Variants in OBSL1 observed in about 807,000 individuals in gnomAD.
The protein encoded by OBSL1 is obscurin like cytoskeletal adaptor 1, also known as obscurin-like protein 1.
In OBSL1, 160 loss-of-function variants were observed where a neutral mutation model predicts 172.0. The ratio of observed to expected loss-of-function variants is 0.93; its 90% CI spans 0.82 to 1.06. OBSL1 has a LOEUF of 1.06. Ranked by LOEUF, OBSL1 falls within the 50% of genes least tolerant of loss-of-function variation. OBSL1 has a pLI of 0.00. For synonymous variants in OBSL1, 1,200 were observed against 1,196.3 expected (o/e 1.00, Z -0.06); for missense variants, 2,681 against 2,715.4 (o/e 0.99, Z 0.28).
chr2:219,553,052 G>A, intron 16 of OBSL1, 28 bp from the exon 17 acceptor site: 1 of 1,457,384 alleles, frequency 6.9e-7, no homozygotes. Flanking sequence ...AGAGGGTCGG[G>A]GCGAGCCCGG....
intron 7 of OBSL1, chr2:219,563,009 G>A (rs891843739): frequency 2.1e-6 from 1 of 470,008 alleles, no homozygotes; most frequent in Non-Finnish European, 3.8e-6. Flanking sequence ...GGAGCTGGGG[G>A]TCTCCTCCTC....
At chr2:219,552,778 A>C in intron 17 of OBSL1, 81 bp from the exon 18 acceptor site, 1 of 1,516,160 alleles carries the variant, frequency 6.6e-7, no homozygotes, top group Non-Finnish European at 8.9e-7. Flanking sequence ...CCTTTCTAGA[A>C]GCACGCGCGG....
At chr2:219,570,163 T>A in intron 1 of OBSL1, 58 bp downstream of exon 1, 1 of 1,412,630 alleles carries the variant, frequency 7.1e-7, no homozygotes, top group Non-Finnish European at 9.4e-7. Flanking sequence ...AGGGCTGGAG[T>A]TCGGAGGGCC....
Position 219,558,388 on chromosome 2 carries a change from C to G in OBSL1, c.3298G>C (p.Glu1100Gln). Reference sequence around the variant, plus strand: ...GCTGGGGCCACCTCACAGCGCAGCTCCACGCGCCCTGGAGCCCCAAAATGC... The same window carrying G: ...GCTGGGGCCACCTCACAGCGCAGCTGCACGCGCCCTGGAGCCCCAAAATGC... ...DLHFGAPGRV[E>Q]LRCEVAPAGS... Residue 1100 changes from glutamate to glutamine, a missense_variant, in exon 10 of 21, where the codon GAG (glutamate) becomes CAG (glutamine). Coordinates refer to ENST00000404537, the MANE Select transcript of OBSL1 (RefSeq NM_015311.3). 1 of 1,608,874 alleles carries G rather than the reference C, an allele frequency of 6.2e-7. No homozygotes were observed. Among genetic ancestry groups the G allele is most frequent in the East Asian group, 2.2e-5 (1 of 44,688 alleles).
Position 219,566,893 on chromosome 2 carries a change from T to C in OBSL1, c.2071A>G (p.Ser691Gly). Residue 691 changes from serine (S) to glycine (G), a missense_variant, in exon 5 of 21, where the codon AGC (serine) becomes GGC (glycine). Coordinates refer to ENST00000404537, the MANE Select transcript of OBSL1 (RefSeq NM_015311.3). ...LILHAVKHQD[S>G]GALVGFSCPG... ...CAGCTGAAGCCGACCAGGGCACCGCTGTCCTGGTGCTTGACGGCATGCAGG... is the reference window on the plus strand; with the variant it reads ...CAGCTGAAGCCGACCAGGGCACCGCCGTCCTGGTGCTTGACGGCATGCAGG... 1 of 1,607,230 alleles carries C rather than the reference T, an allele frequency of 6.2e-7. No individual in the cohort carries two copies. Among genetic ancestry groups the C allele is most frequent in the South Asian group, 1.1e-5 (1 of 90,980 alleles).
In OBSL1 at chr2:219,552,672, C is replaced by T; in HGVS notation, c.5172G>A (p.Glu1724=). Residue 1724 remains glutamate (E), a synonymous_variant, in exon 18 of 21, where the codon GAG becomes GAA. Transcript: ENST00000404537. The part of the protein sequence containing the change: ...VRERTVAVLS[E]LRSVSAREGD... ...CTTCGCGGGCGCTCACCGACCGCAG[C>T]TCGGAGAGTACCGCCACAGTACGCT... 2.0e-6 allele frequency: 3 copies of T among 1,537,138 alleles called. No individual in the cohort carries two copies. The highest frequency in any genetic ancestry group is 2.6e-6 in the Non-Finnish European group (3 of 1,145,380).
At chr2:219,550,061 C>G (rs992365650), downstream of OBSL1, 8 of 645,158 alleles carry the variant, frequency 1.2e-5, no homozygotes, top group Non-Finnish European at 1.5e-5. Context: ...TCCTGAGGAA[C>G]TCGGGGTGTG....
At chr2:219,551,873 C>A in intron 19 of OBSL1, 75 bp from the exon 20 acceptor site, 1 of 962,742 alleles carries the variant, frequency 1.0e-6, no homozygotes, top group Non-Finnish European at 1.6e-6. Context: ...ATCTTCCCTC[C>A]CTGAAGTCTC....
intron 20 of OBSL1, 101 bp from the exon 21 acceptor site, chr2:219,550,943 C>T: frequency 6.4e-7 from 1 of 1,551,658 alleles, no homozygotes; most frequent in South Asian, 1.2e-5. Context: ...AGCTGGGCCC[C>T]CAGGTTCTGC....
intron 19 of OBSL1, 78 bp downstream of exon 19, chr2:219,552,030 TGGGG>T (rs1178973784): frequency 7.2e-7 from 1 of 1,389,700 alleles, no homozygotes; most frequent in East Asian, 2.5e-5. Context: ...GCAGCGTTCT[TGGGG>T]CCAGCCCCAA....
In OBSL1 at chr2:219,562,516, G is replaced by A; in HGVS notation, c.2839C>T (p.Gln947Ter). 6.2e-7 allele frequency: 1 copy of A among 1,613,978 alleles called. No homozygotes were observed. Among genetic ancestry groups the A allele is most frequent in the Non-Finnish European group, 8.5e-7 (1 of 1,179,882 alleles). ...AGGCGGCGGACAGTGTCTTCCTTCT[G>A]CAGGAGCAGCGCGGGGCTCTCCACC... ...EVVESPALLL[Q>*]KEDTVRRLVL... is the part of the protein sequence containing the mutation. The change falls in exon 8 of 21, where the codon CAG (glutamine) becomes TAG (stop). Residue 947 changes from glutamine (Q) to a stop codon, truncating the protein, a stop_gained. Transcript: ENST00000404537. LOFTEE classifies it high-confidence loss of function.
rs1696636712 is a variant in OBSL1, at chr2:219,563,338, C to T, written c.2680+17G>A. ...GGCACCTTCCCCTGTGCCTCCGAGGCCCACCTGGCCCCCCACCTGTGATGG... is the reference window on the plus strand; with the variant it reads ...GGCACCTTCCCCTGTGCCTCCGAGGTCCACCTGGCCCCCCACCTGTGATGG... On this transcript the variant is annotated intron_variant, in intron 7 of 20. Coordinates refer to ENST00000404537, the MANE Select transcript of OBSL1 (RefSeq NM_015311.3). The T allele has an allele frequency of 1.3e-6, 2 of 1,545,970 alleles. No individual in the cohort carries two copies. The highest frequency in any genetic ancestry group is 1.8e-6 in the Non-Finnish European group (2 of 1,142,180).
chr2:219,570,980 G>C lies in OBSL1; in HGVS notation c.253C>G (p.Arg85Gly). 1.5e-6 allele frequency: 2 copies of C among 1,304,292 alleles called. No individual in the cohort carries two copies. The highest frequency in any genetic ancestry group is 1.9e-6 in the Non-Finnish European group (2 of 1,033,216). The allele number at this position is 1,304,292 out of a possible 1,614,324, so 80.8% of individuals were successfully genotyped here. The change falls in exon 1 of 21, where the codon CGC becomes GGC. Residue 85 changes from arginine (R) to glycine (G), a missense_variant. This residue lies in a region of OBSL1 where 67 missense variants were observed against 109.3 expected (regional missense o/e 0.61). Coordinates refer to ENST00000404537, the MANE Select transcript of OBSL1 (RefSeq NM_015311.3). ...LPTDAGVYVC[R>G]ARNAAGEAYA... is the part of the protein sequence containing the mutation. ...GCCTCGCCGGCCGCGTTGCGGGCGC[G>C]GCACACGTAGACCCCCGCGTCGGTG...
In OBSL1 at chr2:219,552,632, A is replaced by T; in HGVS notation, c.5212T>A (p.Phe1738Ile). The T allele has an allele frequency of 6.4e-7, 1 of 1,561,486 alleles. No homozygotes were observed. Among genetic ancestry groups the T allele is most frequent in the Non-Finnish European group, 8.6e-7 (1 of 1,158,876 alleles). The change falls in exon 18 of 21, where the codon TTC (phenylalanine) becomes ATC (isoleucine). Residue 1738 changes from phenylalanine (F) to isoleucine (I), a missense_variant. By Grantham distance (21) the Phe-to-Ile change is conservative (BLOSUM62 0). Coordinates refer to ENST00000404537, the MANE Select transcript of OBSL1 (RefSeq NM_015311.3). ...TCGACCTCCGACACGGTGCACTCGA[A>T]CGTAGCGCCGTCGCCTTCGCGGGCG... ...VSAREGDGATFECTVSEVETT... is the reference protein window; with the variant it reads ...VSAREGDGATIECTVSEVETT...
At position 219,552,661 on chromosome 2, in the gene OBSL1, A is replaced by T; in HGVS notation, c.5183T>A (p.Val1728Glu). Reference sequence around the variant, plus strand: ...AGCGCCGTCGCCTTCGCGGGCGCTCACCGACCGCAGCTCGGAGAGTACCGC... The same window carrying T: ...AGCGCCGTCGCCTTCGCGGGCGCTCTCCGACCGCAGCTCGGAGAGTACCGC... ...TVAVLSELRSVSAREGDGATF... is the reference protein window; with the variant it reads ...TVAVLSELRSESAREGDGATF... Residue 1728 changes from valine to glutamate, a missense_variant, in exon 18 of 21, where the codon GTG becomes GAG. Transcript: ENST00000404537. The T allele has an allele frequency of 6.5e-7, 1 of 1,540,950 alleles. No individual in the cohort carries two copies. The highest frequency in any genetic ancestry group is 2.4e-5 in the East Asian group (1 of 41,336).
Position 219,570,981 on chromosome 2 carries a change from G to A in OBSL1, c.252C>T (p.Cys84=). ...CCTCGCCGGCCGCGTTGCGGGCGCGGCACACGTAGACCCCCGCGTCGGTGG... is the reference window on the plus strand; with the variant it reads ...CCTCGCCGGCCGCGTTGCGGGCGCGACACACGTAGACCCCCGCGTCGGTGG... ...ALPTDAGVYV[C]RARNAAGEAY... Residue 84 remains cysteine, a synonymous_variant, in exon 1 of 21, where the codon TGC becomes TGT. Coordinates refer to ENST00000404537, the MANE Select transcript of OBSL1 (RefSeq NM_015311.3). 7.6e-7 allele frequency: 1 copy of A among 1,311,698 alleles called. No individual in the cohort carries two copies. Among genetic ancestry groups the A allele is most frequent in the South Asian group, 2.3e-5 (1 of 43,112 alleles). The allele number at this position is 1,311,698 out of a possible 1,614,324, so 81.3% of individuals were successfully genotyped here. A position where few individuals can be genotyped will look rare whatever the true frequency, so the allele number is the denominator to read the frequency against.
Position 219,554,611 on chromosome 2 carries a change from T to C in OBSL1, c.4739A>G (p.Tyr1580Cys), listed in dbSNP as rs1298402217. 3 of 1,613,002 alleles carry C rather than the reference T, an allele frequency of 1.9e-6. No individual in the cohort carries two copies. The highest frequency in any genetic ancestry group is 2.7e-5 in the African/African-American group (2 of 74,906). ...GEWARGGVQL[Y>C]PGPKCHIHSD... Reference sequence around the variant, plus strand: ...GTGGATGTGACACTTGGGTCCTGGATACAGCTGTACTCCACCCCGGGCCCA... The same window carrying C: ...GTGGATGTGACACTTGGGTCCTGGACACAGCTGTACTCCACCCCGGGCCCA... Residue 1580 changes from tyrosine to cysteine, a missense_variant, in exon 15 of 21, where the codon TAT (tyrosine) becomes TGT (cysteine). Physicochemically the swap from Tyr to Cys is radical, Grantham distance 194. Around this residue, in one of 5 missense-constraint regions of OBSL1, gnomAD observed 1,765 missense variants for 1,748.3 expected, o/e 1.01. Coordinates refer to ENST00000404537, the MANE Select transcript of OBSL1 (RefSeq NM_015311.3).
downstream of OBSL1, chr2:219,550,510 T>G: frequency 2.6e-6 from 1 of 385,840 alleles, no homozygotes. Flanking sequence ...CATGCCAACC[T>G]AGACACCTCA....
At position 219,570,832 on chromosome 2, in the gene OBSL1, G is replaced by C; in HGVS notation, c.401C>G (p.Pro134Arg). 4.1e-6 allele frequency: 6 copies of C among 1,459,114 alleles called. No individual in the cohort carries two copies. The highest frequency in any genetic ancestry group is 5.4e-6 in the Non-Finnish European group (6 of 1,109,464). The allele number at this position is 1,459,114 out of a possible 1,614,324, so 90.4% of individuals were successfully genotyped here. Residue 134 changes from proline (P) to arginine (R), a missense_variant, in exon 1 of 21, where the codon CCT (proline) becomes CGT (arginine). Physicochemically the swap from Pro to Arg is moderately radical, Grantham distance 103. Around this residue, in one of 5 missense-constraint regions of OBSL1, gnomAD observed 706 missense variants for 695.8 expected, o/e 1.01. Transcript: ENST00000404537. ...CCCCCGCAGCACCCACTGGGATCGA[G>C]GCCCCGTGAGGAAGACCGGGGCGCC... ...GEGAPVFLTGPRSQWVLRGAE... is the reference protein window; with the variant it reads ...GEGAPVFLTGRRSQWVLRGAE...
Sources: gnomAD v4.1 joint callset for allele counts on GRCh38, gnomAD v4.1.1 for gene constraint, gnomAD v4.1.1 regional missense constraint, MANE v1.5 for transcripts, NCBI Gene and HGNC (gene_info 2026-07-23, HGNC 2026-07-21) for gene names.